WHRN: variants seen among roughly 807,000 people sequenced by gnomAD.
The protein encoded by WHRN is whirlin.
WHRN carries 41 observed loss-of-function variants against 68.3 expected under a neutral mutation model. The ratio of observed to expected loss-of-function variants is 0.60; its 90% CI spans 0.47 to 0.78. The LOEUF (loss-of-function observed/expected upper bound fraction) is 0.78. Among genes scored for constraint, WHRN ranks in the 30% least tolerant of loss-of-function variants. The pLI, the probability that WHRN is intolerant of heterozygous loss-of-function variation, is 0.00. For missense variants in WHRN, 1,243 were observed against 1,244.7 expected, an observed-to-expected ratio of 1.00 and a Z score of 0.02; for synonymous variants, 560 against 561.3, an observed-to-expected ratio of 1.00 and a Z score of 0.03.
intron 7 of WHRN, 98 bp from the exon 8 acceptor site, chr9:114,408,116 C>T: frequency 1.0e-6 from 1 of 967,486 alleles, no homozygotes; most frequent in South Asian, 1.4e-5. Flanking sequence ...TCTTAGGACA[C>T]CTCCATGTGG....
chr9:114,424,755 C>T (rs75307551), intron 5 of WHRN, among the ~76,000 whole-genome samples: 263 of 152,270 alleles, frequency 1.7e-3, no homozygotes, highest in African/African-American at 6.1e-3. Flanking sequence ...GAGTAAAACC[C>T]GCATGAGGGC....
chr9:114,426,193 C>G lies in WHRN; in HGVS notation c.1166+18G>C, dbSNP rs149202009. 1 of 1,611,630 alleles carries G rather than the reference C, an allele frequency of 6.2e-7. No individual in the cohort carries two copies. The highest frequency in any genetic ancestry group is 8.5e-7 in the Non-Finnish European group (1 of 1,179,918). ...TGGCCCTGGGGTCTGGAGATTGGAG[C>G]GAGCAGAGTGGCCAGACCCTGCCGA... On this transcript the variant is annotated intron_variant, in intron 4 of 11. Coordinates refer to ENST00000362057, the MANE Select transcript of WHRN (RefSeq NM_015404.4).
intron 3 of WHRN, among the ~76,000 whole-genome samples, chr9:114,449,803 A>C (rs1242398542): frequency 3.9e-5 from 6 of 152,174 alleles, no homozygotes; most frequent in African/African-American, 7.2e-5. Context: ...GTCTTGCCAC[A>C]AGCCAATCGC....
chr9:114,412,580 G>A (rs1466700965), intron 7 of WHRN, among the ~76,000 whole-genome samples: 8 of 152,174 alleles, frequency 5.3e-5, no homozygotes, highest in East Asian at 1.9e-4. Context: ...CCATATCCCC[G>A]ACAAAAACCT....
intron 7 of WHRN, 123 bp from the exon 8 acceptor site, chr9:114,408,141 G>A: frequency 1.3e-6 from 1 of 770,290 alleles, no homozygotes; most frequent in Non-Finnish European, 2.3e-6. Context: ...TGTGAGCCCT[G>A]ACATACCTCA....
At chr9:114,439,483 G>A (rs1466452423) in intron 3 of WHRN, among the ~76,000 whole-genome samples, 3 of 152,208 alleles carry the variant, frequency 2.0e-5, no homozygotes, top group Non-Finnish European at 4.4e-5. Context: ...CTTAAGGTAG[G>A]TTCTTGATTT....
chr9:114,405,795 C>A (rs188373971), intron 9 of WHRN, among the ~76,000 whole-genome samples: 1 of 152,368 alleles, frequency 6.6e-6, no homozygotes, highest in Non-Finnish European at 1.5e-5. Flanking sequence ...CACTCACAGG[C>A]GGGAGCTCCA....
chr9:114,451,999 C>T (rs932303883), intron 3 of WHRN, among the ~76,000 whole-genome samples: 11 of 152,248 alleles, frequency 7.2e-5, no homozygotes, highest in Admixed American at 3.9e-4. Context: ...GGACAGAGGG[C>T]GGACTCCCAA....
At chr9:114,487,732 G>A (rs1482810859) in intron 1 of WHRN, among the ~76,000 whole-genome samples, 1 of 152,114 alleles carries the variant, frequency 6.6e-6, no homozygotes, top group Admixed American at 6.5e-5. Flanking sequence ...TGTCCCCTGG[G>A]GCATGCCTTA....
At chr9:114,424,634 G>T in intron 5 of WHRN, 88 bp from the exon 6 acceptor site, 2 of 1,387,534 alleles carry the variant, frequency 1.4e-6, no homozygotes, top group Non-Finnish European at 2.0e-6. Context: ...CTTCCATCCT[G>T]TCTAAGTGTG....
At chr9:114,404,507 AAG>A (rs1428705899) in intron 9 of WHRN, among the ~76,000 whole-genome samples, 2 of 152,220 alleles carry the variant, frequency 1.3e-5, no homozygotes, top group African/African-American at 2.4e-5. Context: ...CCAAGAATAA[AAG>A]AGAAATTCCA....
intron 3 of WHRN, among the ~76,000 whole-genome samples, chr9:114,433,970 C>T (rs1294831641): frequency 6.6e-6 from 1 of 152,184 alleles, no homozygotes; most frequent in Non-Finnish European, 1.5e-5. Flanking sequence ...TCAATGAAGG[C>T]CTGCTCTAAC....
chr9:114,452,599 T>C (rs1466179633), intron 3 of WHRN, among the ~76,000 whole-genome samples: 1 of 152,226 alleles, frequency 6.6e-6, no homozygotes, highest in Non-Finnish European at 1.5e-5. Flanking sequence ...TTGAGAAGTG[T>C]GAGTGGTTTT....
chr9:114,438,070 C>T (rs1035928394), intron 3 of WHRN, among the ~76,000 whole-genome samples: 2 of 152,062 alleles, frequency 1.3e-5, no homozygotes, highest in Non-Finnish European at 2.9e-5. Context: ...CCCATCTCTA[C>T]AAAAAATACA....
rs147500559 is a variant in WHRN at position 114,426,302 on chromosome 9, C to T, written c.1075G>A (p.Val359Ile). 270 of 1,613,780 alleles carry T rather than the reference C, an allele frequency of 1.7e-4. 1 individual carries two copies. The African/African-American group carries it at 1.9e-3, about 11-fold the overall frequency. The stretch of plus-strand genomic sequence containing the variant: ...GTGCGGGCATGGGGCAGCCTCCCGA[C>T]GTCCTTCACTGTCAGGATGAGGTGC... ...SRHLILTVKD[V>I]GRLPHARTTV... Residue 359 changes from valine (V) to isoleucine (I), a missense_variant, in exon 4 of 12, where the codon GTC becomes ATC. Physicochemically the swap from Val to Ile is conservative, Grantham distance 29. Coordinates refer to ENST00000362057, the MANE Select transcript of WHRN (RefSeq NM_015404.4).
At chr9:114,407,358 A>T (rs916317058) in intron 8 of WHRN, among the ~76,000 whole-genome samples, 4 of 152,060 alleles carry the variant, frequency 2.6e-5, no homozygotes, top group African/African-American at 9.6e-5. Context: ...AAGGCACAAC[A>T]CCTCTCTGAG....
intron 6 of WHRN, among the ~76,000 whole-genome samples, chr9:114,424,060 C>G (rs1295475352): frequency 6.6e-6 from 1 of 152,198 alleles, no homozygotes; most frequent in African/African-American, 2.4e-5. Context: ...GAATGGGGCC[C>G]GAGCACTGCT....
At chr9:114,467,950 G>C (rs1010149814) in intron 2 of WHRN, among the ~76,000 whole-genome samples, 5 of 152,194 alleles carry the variant, frequency 3.3e-5, no homozygotes, top group African/African-American at 4.8e-5. Context: ...CATCCAACCA[G>C]ATTTCTATTT....
intron 1 of WHRN, among the ~76,000 whole-genome samples, chr9:114,497,728 G>A (rs556883244): frequency 1.3e-5 from 2 of 152,324 alleles, no homozygotes; most frequent in South Asian, 4.1e-4. Context: ...AAAGGGTCTT[G>A]TAGAGTGGCT....
Sources: gnomAD v4.1 joint callset for allele counts (sites outside exome capture counted in the v4.1 genomes callset) on GRCh38, gnomAD v4.1.1 for gene constraint, MANE v1.5 for transcripts, NCBI Gene and HGNC (gene_info 2026-07-23, HGNC 2026-07-21) for gene names.